Variants in DOCK1 observed in about 807,000 individuals in gnomAD.
DOCK1 encodes the protein dedicator of cytokinesis protein 1.
In DOCK1, 138 loss-of-function variants were observed where a neutral mutation model predicts 262.7. That is an observed-to-expected ratio of 0.53 (90% CI 0.46 to 0.61). The LOEUF is 0.61. DOCK1 is among the 20% of genes least tolerant of loss of function. The pLI is 0.00. For missense variants in DOCK1, 1,908 were observed against 2,370.7 expected, an observed-to-expected ratio of 0.80 and a Z score of 4.05; for synonymous variants, 866 against 867.4, an observed-to-expected ratio of 1.00 and a Z score of 0.03.
At chr10:127,277,797 T>C (rs1316683743) in intron 29 of DOCK1, among the ~76,000 whole-genome samples, 2 of 152,182 alleles carry the variant, frequency 1.3e-5, no homozygotes, top group African/African-American at 4.8e-5. Context: ...TGAAACGATT[T>C]GAACGCTTTT....
chr10:127,347,876 T>TCCCTG (rs1565012401), intron 31 of DOCK1, among the ~76,000 whole-genome samples: 1 of 33,506 alleles, frequency 3.0e-5, no homozygotes, highest in East Asian at 5.7e-4. Context: ...TCCCTTCCCT[T>TCCCTG]CCCTTCCCAT....
At chr10:127,353,059 CA>C (rs1440089877) in intron 31 of DOCK1, among the ~76,000 whole-genome samples, 3 of 152,256 alleles carry the variant, frequency 2.0e-5, no homozygotes, top group Admixed American at 2.0e-4. Flanking sequence ...TGTTTGTGTT[CA>C]GGGGGGCCAC....
At chr10:127,443,583 C>T (rs1335841117) in intron 49 of DOCK1, among the ~76,000 whole-genome samples, 2 of 152,078 alleles carry the variant, frequency 1.3e-5, no homozygotes, top group Admixed American at 6.6e-5. Context: ...GATGTGCACA[C>T]GTGGGGCTCA....
At chr10:127,067,201 C>T (rs532984244) in intron 23 of DOCK1, among the ~76,000 whole-genome samples, 3 of 152,140 alleles carry the variant, frequency 2.0e-5, no homozygotes, top group Non-Finnish European at 1.5e-5. Flanking sequence ...TGGGAGGAGA[C>T]CTTGGCGATG....
chr10:127,123,253 G>A (rs2049727667), intron 25 of DOCK1, among the ~76,000 whole-genome samples: 1 of 142,634 alleles, frequency 7.0e-6, no homozygotes, highest in Non-Finnish European at 1.5e-5. Flanking sequence ...TCTAACTGCT[G>A]CCTCTGAGGT....
intron 29 of DOCK1, among the ~76,000 whole-genome samples, chr10:127,262,954 G>C (rs1299020771): frequency 6.6e-6 from 1 of 152,142 alleles, no homozygotes; most frequent in Non-Finnish European, 1.5e-5. Flanking sequence ...CGGTGTTAGT[G>C]CCAAAATTTA....
chr10:127,077,481 A>G (rs1405557797), intron 23 of DOCK1, among the ~76,000 whole-genome samples: 2 of 152,200 alleles, frequency 1.3e-5, no homozygotes, highest in African/African-American at 2.4e-5. Flanking sequence ...TTCTCCAGAC[A>G]TGGGCCTCTT....
At chr10:127,104,492 C>T (rs1414533804) in intron 23 of DOCK1, among the ~76,000 whole-genome samples, 1 of 152,118 alleles carries the variant, frequency 6.6e-6, no homozygotes, top group Admixed American at 6.5e-5. Context: ...GTACTGTGTA[C>T]CTTTGTTACA....
chr10:126,959,155 G>A (rs1200275167), intron 1 of DOCK1, among the ~76,000 whole-genome samples: 1 of 152,304 alleles, frequency 6.6e-6, no homozygotes, highest in African/African-American at 2.4e-5. Flanking sequence ...AGATTGTGGA[G>A]ACCAATGTTC....
intron 29 of DOCK1, among the ~76,000 whole-genome samples, chr10:127,310,703 A>C (rs955658301): frequency 2.6e-5 from 4 of 152,214 alleles, no homozygotes; most frequent in African/African-American, 9.6e-5. Context: ...GCCACAGAGC[A>C]GGCAACGGAC....
chr10:127,090,653 T>C (rs906700763), intron 23 of DOCK1, among the ~76,000 whole-genome samples: 2 of 152,166 alleles, frequency 1.3e-5, no homozygotes, highest in African/African-American at 4.8e-5. Context: ...TTACAGTCAC[T>C]CTGTTTCCCC....
At chr10:126,946,697 G>T (rs957420253) in intron 1 of DOCK1, among the ~76,000 whole-genome samples, 18 of 152,258 alleles carry the variant, frequency 1.2e-4, no homozygotes, top group Admixed American at 3.3e-4. Context: ...GGCTAATTTC[G>T]CAGAGCACAG....
intron 1 of DOCK1, among the ~76,000 whole-genome samples, chr10:126,909,984 C>T (rs188575343): frequency 9.2e-5 from 14 of 152,314 alleles, no homozygotes; most frequent in East Asian, 1.9e-4. Context: ...GCCTGACTTG[C>T]GTGCCTTCAC....
intron 30 of DOCK1, 119 bp downstream of exon 30, chr10:127,339,203 T>A: frequency 1.2e-6 from 1 of 864,958 alleles, no homozygotes; most frequent in Admixed American, 2.2e-5. Context: ...CCATCCAAGA[T>A]GCGGAAACGG....
intron 1 of DOCK1, among the ~76,000 whole-genome samples, chr10:126,960,491 G>A (rs1393898729): frequency 1.3e-5 from 2 of 151,014 alleles, no homozygotes; most frequent in African/African-American, 4.9e-5. Context: ...GCCTCTGACT[G>A]TCGTGGGGGA....
intron 16 of DOCK1, 198 bp downstream of exon 16, chr10:127,026,622 C>T: frequency 1.7e-6 from 1 of 603,862 alleles, no homozygotes; most frequent in East Asian, 3.0e-5. Flanking sequence ...ATTTCCTTCT[C>T]CAGTTCCTCC....
chr10:127,051,240 G>A (rs1205781679), intron 21 of DOCK1, among the ~76,000 whole-genome samples: 1 of 151,948 alleles, frequency 6.6e-6, no homozygotes, highest in Admixed American at 6.5e-5. Context: ...GAGTATAGTA[G>A]TCATTGTGTT....
In DOCK1 at chr10:127,269,118, CGT is replaced by C. The variant is rs1026551299; in HGVS notation, c.3044+11691_3044+11692del. Among the ~76,000 whole-genome samples, 71 of 152,146 alleles carry C rather than the reference CGT, an allele frequency of 4.7e-4. 3 individuals carry two copies. Among genetic ancestry groups the C allele is most frequent in the Admixed American group, 3.3e-4 (5 of 15,274 alleles). On this transcript the variant is annotated intron_variant, in intron 29 of 51. Coordinates refer to ENST00000623213, the MANE Select transcript of DOCK1 (RefSeq NM_001290223.2). ...AATTTAGTGTTGGGCAGATTTACCC[CGT>C]GCTGTAGTTTCTTCACCCGTAAATT... is the stretch of plus-strand genomic sequence containing the variant.
chr10:126,926,625 G>A (rs116257427), intron 1 of DOCK1, among the ~76,000 whole-genome samples: 1,900 of 152,262 alleles, frequency 0.012, 28 homozygotes, highest in African/African-American at 0.043. Flanking sequence ...GATGTAATTC[G>A]TTAAGATGTG....
Sources: gnomAD v4.1 joint callset for allele counts (sites outside exome capture counted in the v4.1 genomes callset) on GRCh38, gnomAD v4.1.1 for gene constraint, MANE v1.5 for transcripts, NCBI Gene and HGNC (gene_info 2026-07-23, HGNC 2026-07-21) for gene names.